MEGF11: variants seen among roughly 807,000 people sequenced by gnomAD.
The protein encoded by MEGF11 is multiple epidermal growth factor-like domains protein 11.
Under a neutral mutation model 146.6 loss-of-function variants are expected in MEGF11, and 126 were observed. That is an observed-to-expected ratio of 0.86 (90% CI 0.74 to 1.00). The LOEUF is 1.00. Among genes scored for constraint, MEGF11 ranks in the 50% least tolerant of loss-of-function variants. The pLI is 0.00. For missense variants in MEGF11, 1,509 were observed against 1,521.2 expected (o/e 0.99, Z 0.13); for synonymous variants, 532 against 583.4 (o/e 0.91, Z 1.27).
At position 65,922,946 on chromosome 15, in the gene MEGF11, G is replaced by GA. The variant is rs1462425914; in HGVS notation, c.1698dup (p.Pro567SerfsTer16). The GA allele has an allele frequency of 4.3e-6, 7 of 1,612,992 alleles. No individual in the cohort carries two copies. On this transcript the variant is annotated frameshift_variant, in exon 14 of 26. Coordinates refer to ENST00000395614, the MANE Select transcript of MEGF11 (RefSeq NM_001385028.1). LOFTEE classifies it high-confidence loss of function. ...CAGTTGGGGCCCCAGCGGCCAGGTG[G>GA]ACACGTGCTGTCACAGCGGATGCCT...
chr15:65,940,475 A>G (rs1053437429), intron 10 of MEGF11, among the ~76,000 whole-genome samples: 1 of 152,228 alleles, frequency 6.6e-6, no homozygotes, highest in African/African-American at 2.4e-5. Flanking sequence ...CTAGGGAGAA[A>G]GAGTGACACG....
intron 1 of MEGF11, among the ~76,000 whole-genome samples, chr15:66,191,895 G>A (rs2090891680): frequency 6.6e-6 from 1 of 151,750 alleles, no homozygotes; most frequent in African/African-American, 2.4e-5. Flanking sequence ...CCAACATGGT[G>A]AAACCCCGTA....
intron 1 of MEGF11, among the ~76,000 whole-genome samples, chr15:66,211,587 TCAGC>T (rs1353283896): frequency 6.6e-6 from 1 of 150,674 alleles, no homozygotes; most frequent in Non-Finnish European, 1.5e-5. Flanking sequence ...CGAGGGTCTC[TCAGC>T]CAGTCACCGT....
chr15:65,963,717 C>G (rs2080953696), intron 9 of MEGF11, among the ~76,000 whole-genome samples: 1 of 152,226 alleles, frequency 6.6e-6, no homozygotes, highest in Non-Finnish European at 1.5e-5. Flanking sequence ...TCCACTGGCT[C>G]TAGCACCCTC....
chr15:66,126,246 A>G (rs2088338432), intron 2 of MEGF11, among the ~76,000 whole-genome samples: 1 of 152,184 alleles, frequency 6.6e-6, no homozygotes, highest in South Asian at 2.1e-4. Flanking sequence ...AGATCCCTCC[A>G]CATATAACTT....
At chr15:66,168,601 C>T (rs2090162708) in intron 1 of MEGF11, among the ~76,000 whole-genome samples, 2 of 152,300 alleles carry the variant, frequency 1.3e-5, no homozygotes, top group South Asian at 4.1e-4. Context: ...TTTCAAATAT[C>T]TCATTAATTT....
intron 1 of MEGF11, among the ~76,000 whole-genome samples, chr15:66,157,759 C>G (rs976497485): frequency 6.6e-6 from 1 of 152,224 alleles, no homozygotes; most frequent in African/African-American, 2.4e-5. Context: ...ACAAAGCTGA[C>G]AAGCCAAAGC....
intron 1 of MEGF11, among the ~76,000 whole-genome samples, chr15:66,139,374 G>A (rs1203253449): frequency 2.0e-5 from 3 of 152,242 alleles, no homozygotes; most frequent in South Asian, 2.1e-4. Context: ...CTGATTAGTC[G>A]TTGTGTATTT....
At chr15:65,991,232 G>A (rs1346971345) in intron 5 of MEGF11, among the ~76,000 whole-genome samples, 3 of 152,174 alleles carry the variant, frequency 2.0e-5, no homozygotes, top group Non-Finnish European at 2.9e-5. Flanking sequence ...GCACACGCAC[G>A]TGGGGAAAAC....
At chr15:66,250,883 A>C (rs911880149) in intron 1 of MEGF11, among the ~76,000 whole-genome samples, 1 of 151,504 alleles carries the variant, frequency 6.6e-6, no homozygotes, top group Non-Finnish European at 1.5e-5. Context: ...CTCCAGCCTG[A>C]GAAAGTGAGA....
chr15:66,211,502 T>C (rs1466240644), intron 1 of MEGF11, among the ~76,000 whole-genome samples: 25 of 137,678 alleles, frequency 1.8e-4, no homozygotes, highest in East Asian at 4.3e-4. Flanking sequence ...CCAGCCTGGG[T>C]GACAGAGTGA....
chr15:66,100,237 A>C (rs2086733016), intron 4 of MEGF11, among the ~76,000 whole-genome samples: 1 of 152,190 alleles, frequency 6.6e-6, no homozygotes, highest in South Asian at 2.1e-4. Context: ...AGAGGAGTCC[A>C]AAATACAGAG....
At chr15:65,936,064 G>T (rs141875059) in intron 10 of MEGF11, among the ~76,000 whole-genome samples, 11 of 152,326 alleles carry the variant, frequency 7.2e-5, no homozygotes, top group Non-Finnish European at 1.5e-4. Context: ...ATGATGGTCT[G>T]TGTGGGACCC....
chr15:65,980,730 A>C (rs2081606744), intron 7 of MEGF11, 48 bp downstream of exon 7: 7 of 1,530,348 alleles, frequency 4.6e-6, no homozygotes, highest in Non-Finnish European at 5.3e-6. Context: ...GTGAGTGATG[A>C]AGGCTCAGCC....
In MEGF11 at chr15:66,132,342, C is replaced by T. The variant is rs2088680687; in HGVS notation, c.-8-3931G>A. Among the ~76,000 whole-genome samples the T allele has an allele frequency of 5.9e-5, 9 of 152,242 alleles. No individual in the cohort carries two copies. The South Asian group carries it at 1.9e-3, about 31-fold the overall frequency. ...GCCTCTGCCCTGGGATCAGCTGTTACAGCCTTAAGATCCATCTAAGCAAAA... is the reference window on the plus strand; with the variant it reads ...GCCTCTGCCCTGGGATCAGCTGTTATAGCCTTAAGATCCATCTAAGCAAAA... On this transcript the variant is annotated intron_variant, in intron 1 of 25. Transcript: ENST00000395614.
In MEGF11 at chr15:66,151,478, C is replaced by T. The variant is rs147195571; in HGVS notation, c.-8-23067G>A. 2.4e-4 allele frequency among the ~76,000 whole-genome samples: 37 copies of T among 152,296 alleles called. No individual in the cohort carries two copies. The East Asian group carries it at 4.2e-3, about 17-fold the overall frequency. Reference sequence around the variant, plus strand: ...GCCACCAGTCACGGACAGATCCCTCCCCATCTCTGGGCCTGGGTTTCTTAA... The same window carrying T: ...GCCACCAGTCACGGACAGATCCCTCTCCATCTCTGGGCCTGGGTTTCTTAA... On this transcript the variant is annotated intron_variant, in intron 1 of 25. Coordinates refer to ENST00000395614, the MANE Select transcript of MEGF11 (RefSeq NM_001385028.1).
At chr15:66,231,146 T>TGTTCTGCAGAACC (rs1567292566) in intron 1 of MEGF11, among the ~76,000 whole-genome samples, 1 of 152,138 alleles carries the variant, frequency 6.6e-6, no homozygotes, top group African/African-American at 2.4e-5. Context: ...TCTGCAGAAC[T>TGTTCTGCAGAACC]GGTGTTCCAC....
intron 5 of MEGF11, among the ~76,000 whole-genome samples, chr15:66,038,403 G>A (rs2140278080): frequency 6.6e-6 from 1 of 152,312 alleles, no homozygotes; most frequent in South Asian, 2.1e-4. Flanking sequence ...TCGAGGGATG[G>A]TTAAGGGAGC....
chr15:65,958,525 T>A (rs2080741339), intron 9 of MEGF11, among the ~76,000 whole-genome samples: 1 of 152,132 alleles, frequency 6.6e-6, no homozygotes, highest in South Asian at 2.1e-4. Context: ...CAGTGCTGAG[T>A]TTGAAATCCA....
Sources: allele counts gnomAD v4.1 joint callset (sites outside exome capture counted in the v4.1 genomes callset), GRCh38; gene constraint gnomAD v4.1.1; transcripts MANE v1.5; gene names NCBI Gene and HGNC (gene_info 2026-07-23, HGNC 2026-07-21).